The following ARL13B variants were observed in gnomAD, a reference collection of about 807,000 sequenced individuals.
ARL13B encodes ADP-ribosylation factor-like protein 13B.
ARL13B carries 36 observed loss-of-function variants against 56.1 expected under a neutral mutation model. The observed-to-expected ratio is 0.64, with a 90% confidence interval of 0.49 to 0.85. The LOEUF (loss-of-function observed/expected upper bound fraction) is 0.85. ARL13B is among the 40% of genes least tolerant of loss of function. The pLI, the probability that ARL13B is intolerant of heterozygous loss-of-function variation, is 0.00. For missense variants in ARL13B, 519 were observed against 507.1 expected (o/e 1.02, Z -0.23); for synonymous variants, 178 against 171.1 (o/e 1.04, Z -0.32).
At position 94,055,493 on chromosome 3, in the gene ARL13B, G is replaced by A. The variant is rs1034573570; in HGVS notation, c.*2230G>A. The A allele has an allele frequency of 3.3e-5, 15 of 453,916 alleles. No homozygotes were observed. The East Asian group carries it at 9.7e-4, about 29-fold the overall frequency. The allele number at this position is 453,916 out of a possible 1,614,324, so 28.1% of individuals were successfully genotyped here. ...GTGATTTTAAATGCAGCTACAAATAGCATTTCACCATATGATGTTAGAGGA... is the reference window on the plus strand; with the variant it reads ...GTGATTTTAAATGCAGCTACAAATAACATTTCACCATATGATGTTAGAGGA... On this transcript the variant is annotated 3_prime_UTR_variant, in exon 10 of 10. Transcript: ENST00000394222.
At chr3:93,982,070 A>T (rs1419883928) in intron 1 of ARL13B, among the ~76,000 whole-genome samples, 1 of 152,132 alleles carries the variant, frequency 6.6e-6, no homozygotes, top group African/African-American at 2.4e-5. Flanking sequence ...CATGTATATA[A>T]CTTACGTTCT....
At chr3:93,983,776 T>C (rs35674819) in intron 1 of ARL13B, among the ~76,000 whole-genome samples, 12,198 of 152,214 alleles carry the variant, frequency 0.08, 604 homozygotes, top group Middle Eastern at 0.2. Flanking sequence ...AGGTGTGTTT[T>C]CTTAATGAAT....
At position 94,014,239 on chromosome 3, in the gene ARL13B, T is replaced by C. The variant is rs187208323; in HGVS notation, c.380+10331T>C. ...GCTACAGAAGTTTCTGAAATTTTAG[T>C]GGGTTAGGGTTAAAGGGGAAAATTA... is the stretch of plus-strand genomic sequence containing the variant. On this transcript the variant is annotated intron_variant, in intron 3 of 9. Transcript: ENST00000394222. 7 of 546,572 alleles carry C rather than the reference T, an allele frequency of 1.3e-5. No individual in the cohort carries two copies. The East Asian group carries it at 1.3e-4, about 11-fold the overall frequency. The allele number at this position is 546,572 out of a possible 1,614,324, so 33.9% of individuals were successfully genotyped here.
Position 94,055,258 on chromosome 3 carries a change from C to T in ARL13B, c.*1995C>T, listed in dbSNP as rs2077125503. 7.3e-6 allele frequency: 3 copies of T among 413,502 alleles called. No homozygotes were observed. Among genetic ancestry groups the T allele is most frequent in the Non-Finnish European group, 1.4e-5 (3 of 212,718 alleles). 25.6% of individuals were successfully genotyped at this position (413,502 alleles called of 1,614,324 possible). On this transcript the variant is annotated 3_prime_UTR_variant, in exon 10 of 10. Transcript: ENST00000394222. ...AATTCTGAATTTTGACATTTTCACA[C>T]AATAAAAATAATTTATATCAATATT...
intron 2 of ARL13B, chr3:93,996,467 A>G: frequency 4.7e-6 from 1 of 213,448 alleles, no homozygotes; most frequent in Non-Finnish European, 1.0e-5. Flanking sequence ...AATATATATC[A>G]TACATATTAC....
chr3:94,037,075 TGTCTGGAGACATTTTTAGTTTTC>T (rs2076782166), intron 5 of ARL13B, among the ~76,000 whole-genome samples: 1 of 152,156 alleles, frequency 6.6e-6, no homozygotes, highest in Non-Finnish European at 1.5e-5. Context: ...CATTTGGCAG[TGTCTGGAGACATTTTTAGTTTTC>T]ACCACTAGGG....
intron 3 of ARL13B, among the ~76,000 whole-genome samples, chr3:94,033,419 G>T (rs1355307031): frequency 6.6e-6 from 1 of 151,784 alleles, no homozygotes; most frequent in Non-Finnish European, 1.5e-5. Context: ...ACCTTCGGAG[G>T]TTGCTACGCC....
At chr3:94,010,476 A>T (rs368963170) in intron 3 of ARL13B, among the ~76,000 whole-genome samples, 1 of 152,236 alleles carries the variant, frequency 6.6e-6, no homozygotes, top group South Asian at 2.1e-4. Context: ...TTTAGTGCTC[A>T]TAGTAATTTT....
chr3:93,980,199 G>T lies in ARL13B; in HGVS notation c.-225G>T, dbSNP rs1710134601. 2.9e-6 allele frequency: 2 copies of T among 698,634 alleles called. No individual in the cohort carries two copies. The highest frequency in any genetic ancestry group is 1.8e-5 in the African/African-American group (1 of 57,088). The allele number at this position is 698,634 out of a possible 1,614,324, so 43.3% of individuals were successfully genotyped here. Reference sequence around the variant, plus strand: ...CCGCTAACTCGGCTACGGTGTATCTGCGTCTTTGGTCAGGTTGTTCCTTGG... The same window carrying T: ...CCGCTAACTCGGCTACGGTGTATCTTCGTCTTTGGTCAGGTTGTTCCTTGG... On this transcript the variant is annotated 5_prime_UTR_variant, in exon 1 of 10. Transcript: ENST00000394222.
chr3:94,042,964 A>T (rs776607430), intron 6 of ARL13B, 51 bp from the exon 7 acceptor site: 28 of 1,451,398 alleles, frequency 1.9e-5, no homozygotes, highest in Non-Finnish European at 2.6e-5. Context: ...CCTTAAAACT[A>T]TCTTAGATAA....
intron 3 of ARL13B, among the ~76,000 whole-genome samples, chr3:94,033,333 C>T (rs760347519): frequency 2.0e-5 from 3 of 151,998 alleles, no homozygotes; most frequent in African/African-American, 4.8e-5. Context: ...CACCACTATG[C>T]AATACATTTA....
intron 1 of ARL13B, among the ~76,000 whole-genome samples, chr3:93,981,249 T>C (rs1371101419): frequency 2.6e-5 from 4 of 152,210 alleles, no homozygotes; most frequent in Admixed American, 6.5e-5. Context: ...ATCAGTGAAA[T>C]TGATGCTTTT....
intron 8 of ARL13B, among the ~76,000 whole-genome samples, chr3:94,050,319 G>A (rs1028075987): frequency 6.6e-6 from 1 of 151,916 alleles, no homozygotes; most frequent in African/African-American, 2.4e-5. Flanking sequence ...TAAAACACTG[G>A]GACTTAACTT....
intron 3 of ARL13B, among the ~76,000 whole-genome samples, chr3:94,031,440 GGAT>G (rs2107087233): frequency 6.6e-6 from 1 of 152,206 alleles, no homozygotes; most frequent in East Asian, 1.9e-4. Flanking sequence ...TTGGGGAAAT[GGAT>G]GATTGCAAGT....
At chr3:94,038,289 T>G (rs2076803724) in intron 5 of ARL13B, among the ~76,000 whole-genome samples, 1 of 152,108 alleles carries the variant, frequency 6.6e-6, no homozygotes, top group Admixed American at 6.5e-5. Context: ...GTGGGAAAGC[T>G]AAGGCTCAAA....
chr3:94,020,346 G>A (rs2076421624), intron 3 of ARL13B, among the ~76,000 whole-genome samples: 1 of 152,120 alleles, frequency 6.6e-6, no homozygotes, highest in South Asian at 2.1e-4. Flanking sequence ...ATGAAATTAC[G>A]ATCTCAGCTT....
chr3:94,043,276 G>A, intron 7 of ARL13B, 36 bp downstream of exon 7: 1 of 1,524,748 alleles, frequency 6.6e-7, no homozygotes, highest in Non-Finnish European at 9.0e-7. Context: ...ATTATCTTAT[G>A]TATATATAAA....
chr3:94,032,853 A>T (rs2076701003), intron 3 of ARL13B, among the ~76,000 whole-genome samples: 1 of 152,204 alleles, frequency 6.6e-6, no homozygotes, highest in African/African-American at 2.4e-5. Flanking sequence ...TAGCAACCTC[A>T]CTACTGGGTA....
At chr3:93,982,798 G>C (rs371250848) in intron 1 of ARL13B, among the ~76,000 whole-genome samples, 4 of 152,106 alleles carry the variant, frequency 2.6e-5, no homozygotes, top group African/African-American at 9.7e-5. Context: ...ATAAATATTT[G>C]CCAAATATTG....
Sources: allele counts gnomAD v4.1 joint callset (sites outside exome capture counted in the v4.1 genomes callset), GRCh38; gene constraint gnomAD v4.1.1; transcripts MANE v1.5; gene names NCBI Gene and HGNC (gene_info 2026-07-23, HGNC 2026-07-21).